RAB11FIP4: variants seen among roughly 807,000 people sequenced by gnomAD.
RAB11FIP4 encodes the protein RAB11 family interacting protein 4, also known as rab11 family-interacting protein 4.
A neutral mutation model predicts 74.3 loss-of-function variants in RAB11FIP4; 23 were observed. That is an observed-to-expected ratio of 0.31 (90% CI 0.22 to 0.44). RAB11FIP4 has a LOEUF of 0.44. Ranked by LOEUF, RAB11FIP4 falls within the 20% of genes least tolerant of loss-of-function variation. RAB11FIP4 has a pLI of 1.00. For missense variants in RAB11FIP4, 630 were observed against 863.9 expected, an observed-to-expected ratio of 0.73 and a Z score of 3.39; for synonymous variants, 360 against 359.9, an observed-to-expected ratio of 1.00 and a Z score of 0.00.
At chr17:31,529,277 T>G (rs566624436) in intron 13 of RAB11FIP4, among the ~76,000 whole-genome samples, 20 of 152,010 alleles carry the variant, frequency 1.3e-4, no homozygotes, top group Non-Finnish European at 2.6e-4. Flanking sequence ...TTGTTTTTGT[T>G]TTTTGAGGCA....
At chr17:31,503,919 G>C in intron 3 of RAB11FIP4, among the ~76,000 whole-genome samples, 1 of 149,632 alleles carries the variant, frequency 6.7e-6, no homozygotes, top group Non-Finnish European at 1.5e-5. Flanking sequence ...TCTGTTATAT[G>C]TAATTTATAT....
chr17:31,462,753 C>T (rs1421092985), intron 3 of RAB11FIP4, among the ~76,000 whole-genome samples: 1 of 152,146 alleles, frequency 6.6e-6, no homozygotes, highest in Non-Finnish European at 1.5e-5. Flanking sequence ...TCTCCTGCCT[C>T]AGCTTCCAAA....
chr17:31,488,351 A>G, intron 3 of RAB11FIP4: 2 of 990,178 alleles, frequency 2.0e-6, no homozygotes, highest in Non-Finnish European at 2.4e-6. Flanking sequence ...CGGCCCCGGG[A>G]AGTTGGCGGA....
intron 3 of RAB11FIP4, among the ~76,000 whole-genome samples, chr17:31,475,166 A>C (rs887289411): frequency 6.6e-6 from 1 of 152,148 alleles, no homozygotes; most frequent in Admixed American, 6.6e-5. Context: ...ATCAAGAAGA[A>C]GGCAGAGTAG....
rs149118989 is a variant in RAB11FIP4, at chr17:31,415,279, G to A, written c.160-16534G>A. Among the ~76,000 whole-genome samples the A allele has an allele frequency of 7.3e-3, 1,118 of 152,332 alleles. 8 individuals carry two copies. Among genetic ancestry groups the A allele is most frequent in the African/African-American group, 0.026 (1,062 of 41,584 alleles). On this transcript the variant is annotated intron_variant, in intron 1 of 14. Transcript: ENST00000621161. ...ACCTCAGGCCCAGGGGGCGCTCTACGTGGACAAAGAGGAGGGGAGGGGCAG... is the reference window on the plus strand; with the variant it reads ...ACCTCAGGCCCAGGGGGCGCTCTACATGGACAAAGAGGAGGGGAGGGGCAG...
At chr17:31,415,171 G>GC (rs1177202577) in intron 1 of RAB11FIP4, among the ~76,000 whole-genome samples, 1 of 152,214 alleles carries the variant, frequency 6.6e-6, no homozygotes, top group African/African-American at 2.4e-5. Context: ...AGGGGGAAGA[G>GC]CCCCCCGGAA....
chr17:31,459,117 C>G (rs1678869504), intron 3 of RAB11FIP4, among the ~76,000 whole-genome samples: 1 of 152,142 alleles, frequency 6.6e-6, no homozygotes, highest in Non-Finnish European at 1.5e-5. Flanking sequence ...CTTTCTGCCT[C>G]TAGTCTGTTC....
At chr17:31,524,141 C>T (rs986467656) in intron 9 of RAB11FIP4, 145 bp downstream of exon 9, 14 of 646,648 alleles carry the variant, frequency 2.2e-5, no homozygotes, top group Non-Finnish European at 3.3e-5. Flanking sequence ...GTCACATGGC[C>T]CTGCCCACAT....
At chr17:31,500,509 G>T (rs568712173) in intron 3 of RAB11FIP4, among the ~76,000 whole-genome samples, 1 of 152,326 alleles carries the variant, frequency 6.6e-6, no homozygotes, top group East Asian at 1.9e-4. Context: ...AGGATAAAAG[G>T]CTCCTTGTGT....
intron 3 of RAB11FIP4, among the ~76,000 whole-genome samples, chr17:31,504,374 G>A (rs763947502): frequency 2.6e-5 from 4 of 151,516 alleles, no homozygotes; most frequent in Admixed American, 1.3e-4. Flanking sequence ...CTCATGATCC[G>A]CTTGCCTCGG....
In RAB11FIP4 at chr17:31,512,915, G is replaced by A. The variant is rs2072478725; in HGVS notation, c.337-4736G>A. On this transcript the variant is annotated intron_variant, in intron 3 of 14. Coordinates refer to ENST00000621161, the MANE Select transcript of RAB11FIP4 (RefSeq NM_032932.6). This position sits in a 1 kb window ranked among gnomAD's most constrained non-coding sequence, Gnocchi z 4.1. ...GAGGCAGTCTTGGAAGCTGCCCTGG[G>A]CACAGACCTTACTTGCTGACCCCGG... is the stretch of plus-strand genomic sequence containing the variant. Among the ~76,000 whole-genome samples the A allele has an allele frequency of 1.3e-5, 2 of 152,140 alleles. No homozygotes were observed. The highest frequency in any genetic ancestry group is 1.5e-5 in the Non-Finnish European group (1 of 68,014).
intron 13 of RAB11FIP4, 99 bp from the exon 14 acceptor site, chr17:31,530,227 G>A (rs1360800384): frequency 2.7e-5 from 40 of 1,463,300 alleles, no homozygotes; most frequent in African/African-American, 4.2e-5. Context: ...TGGGAATGGC[G>A]CTGGCGGCAG....
chr17:31,450,803 C>T (rs796328262), intron 3 of RAB11FIP4, among the ~76,000 whole-genome samples: 18 of 148,814 alleles, frequency 1.2e-4, no homozygotes, highest in African/African-American at 3.9e-4. Flanking sequence ...AAACCTGTGG[C>T]GCACCCTCTG....
rs972837870 is a variant in RAB11FIP4 at position 31,391,859 on chromosome 17, G to A, written c.7G>A (p.Gly3Ser). 3 of 1,132,348 alleles carry A rather than the reference G, an allele frequency of 2.6e-6. No homozygotes were observed. The highest frequency in any genetic ancestry group is 2.2e-6 in the Non-Finnish European group (2 of 927,440). The allele number at this position is 1,132,348 out of a possible 1,614,324, so 70.1% of individuals were successfully genotyped here. A position where few individuals can be genotyped will look rare whatever the true frequency, so the allele number is the denominator to read the frequency against. MA[G>S]GAGWSGAPAA... is the part of the protein sequence containing the mutation. ...GAGCTGCGGGCCGGCCCGGATGGCGGGCGGCGCGGGCTGGTCGGGCGCCCC... is the reference window on the plus strand; with the variant it reads ...GAGCTGCGGGCCGGCCCGGATGGCGAGCGGCGCGGGCTGGTCGGGCGCCCC... The change falls in exon 1 of 15, where the codon GGC becomes AGC. Residue 3 changes from glycine to serine, a missense_variant. Transcript: ENST00000621161.
At chr17:31,414,137 G>T (rs906523128) in intron 1 of RAB11FIP4, among the ~76,000 whole-genome samples, 1 of 152,216 alleles carries the variant, frequency 6.6e-6, no homozygotes, top group Non-Finnish European at 1.5e-5. Context: ...TCCACCACTG[G>T]TCACACAGCT....
chr17:31,394,497 T>TTTTTC (rs766321170), intron 1 of RAB11FIP4, among the ~76,000 whole-genome samples: 13 of 152,214 alleles, frequency 8.5e-5, no homozygotes, highest in East Asian at 1.9e-4. Flanking sequence ...ACACAATTCC[T>TTTTTC]TTTTCTTTTC....
At chr17:31,492,876 A>G (rs2072037733) in intron 3 of RAB11FIP4, among the ~76,000 whole-genome samples, 1 of 151,908 alleles carries the variant, frequency 6.6e-6, no homozygotes, top group Admixed American at 6.6e-5. Flanking sequence ...ACAAGAGCTC[A>G]GATTCTCAGA....
chr17:31,499,201 G>A (rs374302895), intron 3 of RAB11FIP4, among the ~76,000 whole-genome samples: 1 of 152,086 alleles, frequency 6.6e-6, no homozygotes, highest in Non-Finnish European at 1.5e-5. Flanking sequence ...TAGATGGGAC[G>A]ATTTAAATTA....
chr17:31,517,215 C>T (rs867809393), intron 3 of RAB11FIP4, among the ~76,000 whole-genome samples: 8 of 36,884 alleles, frequency 2.2e-4, no homozygotes, highest in African/African-American at 4.1e-4. Context: ...GTGGGGGGGG[C>T]GGGGGGGAAG....
Sources: gnomAD v4.1 joint callset for allele counts (sites outside exome capture counted in the v4.1 genomes callset) on GRCh38, gnomAD v4.1.1 for gene constraint, Gnocchi (gnomAD v3.1) non-coding constraint, MANE v1.5 for transcripts, NCBI Gene and HGNC (gene_info 2026-07-23, HGNC 2026-07-21) for gene names.